PPM1H: variants seen among roughly 807,000 people sequenced by gnomAD.
PPM1H encodes the protein protein phosphatase, Mg2+/Mn2+ dependent 1H, also known as protein phosphatase 1H.
In PPM1H, 27 loss-of-function variants were observed where a neutral mutation model predicts 54.9. That is an observed-to-expected ratio of 0.49 (90% confidence interval 0.36 to 0.68). PPM1H has a LOEUF of 0.68. Ranked by LOEUF, PPM1H falls within the 30% of genes least tolerant of loss-of-function variation. The pLI, the probability that PPM1H is intolerant of heterozygous loss-of-function variation, is 0.00. For missense variants in PPM1H, 596 were observed against 667.8 expected, an observed-to-expected ratio of 0.89 and a Z score of 1.19; for synonymous variants, 305 against 270.8, an observed-to-expected ratio of 1.13 and a Z score of -1.24.
intron 4 of PPM1H, among the ~76,000 whole-genome samples, chr12:62,759,959 C>T (rs2076498404): frequency 2.6e-5 from 4 of 152,140 alleles, no homozygotes; most frequent in Admixed American, 2.6e-4. Flanking sequence ...ATGTCTCTAC[C>T]CTTCTCTTTA....
intron 4 of PPM1H, among the ~76,000 whole-genome samples, chr12:62,739,828 G>A (rs10506447): frequency 0.096 from 14,541 of 151,742 alleles, 778 homozygotes; most frequent in Admixed American, 0.16. Flanking sequence ...GGCAGCAGAT[G>A]TTCACTTAAC....
At chr12:62,845,508 T>C (rs1868931915) in intron 1 of PPM1H, among the ~76,000 whole-genome samples, 1 of 152,216 alleles carries the variant, frequency 6.6e-6, no homozygotes, top group Non-Finnish European at 1.5e-5. Flanking sequence ...TGGTAGACCA[T>C]ATATGAGGTA....
At chr12:62,906,050 A>T (rs191270446) in intron 1 of PPM1H, among the ~76,000 whole-genome samples, 1 of 152,214 alleles carries the variant, frequency 6.6e-6, no homozygotes, top group Non-Finnish European at 1.5e-5. Flanking sequence ...GGACAAATAT[A>T]AAATGGAGCC....
intron 3 of PPM1H, among the ~76,000 whole-genome samples, chr12:62,795,992 G>A (rs911149127): frequency 2.0e-5 from 3 of 152,232 alleles, no homozygotes; most frequent in Non-Finnish European, 2.9e-5. Context: ...GCCTCCCAAA[G>A]TGCTGGGATT....
intron 1 of PPM1H, among the ~76,000 whole-genome samples, chr12:62,880,700 T>C (rs1453932808): frequency 6.6e-6 from 1 of 152,208 alleles, no homozygotes; most frequent in Non-Finnish European, 1.5e-5. Flanking sequence ...GCCACCACAA[T>C]TCTTTCACTT....
chr12:62,918,507 T>C (rs1007047420), intron 1 of PPM1H, among the ~76,000 whole-genome samples: 2 of 152,228 alleles, frequency 1.3e-5, no homozygotes, highest in African/African-American at 4.8e-5. Flanking sequence ...TTAAAGTATA[T>C]AGCTAACACT....
At chr12:62,879,952 T>A (rs1326520983) in intron 1 of PPM1H, among the ~76,000 whole-genome samples, 3 of 152,100 alleles carry the variant, frequency 2.0e-5, no homozygotes, top group Non-Finnish European at 4.4e-5. Flanking sequence ...GATTAGACAC[T>A]CTATTCTAAA....
At chr12:62,804,171 G>C (rs959535853) in intron 2 of PPM1H, among the ~76,000 whole-genome samples, 18 of 152,150 alleles carry the variant, frequency 1.2e-4, no homozygotes, top group African/African-American at 4.1e-4. Flanking sequence ...AGATAGGCAA[G>C]AAAAAAGAAA....
intron 1 of PPM1H, among the ~76,000 whole-genome samples, chr12:62,836,176 C>A (rs1436720836): frequency 1.3e-5 from 2 of 152,188 alleles, no homozygotes; most frequent in African/African-American, 4.8e-5. Flanking sequence ...TGCTGGTGGA[C>A]CACGAATCAT....
intron 4 of PPM1H, among the ~76,000 whole-genome samples, chr12:62,785,862 A>G (rs781451494): frequency 2.2e-3 from 131 of 58,328 alleles, no homozygotes; most frequent in East Asian, 9.5e-3. Flanking sequence ...AAAAATGAGG[A>G]AAAAAAAAAA....
chr12:62,671,272 C>T (rs759843067), intron 8 of PPM1H, among the ~76,000 whole-genome samples: 61 of 152,230 alleles, frequency 4.0e-4, no homozygotes, highest in Middle Eastern at 3.4e-3. Flanking sequence ...GCTACAGAAA[C>T]GGCTTTGAAG....
chr12:62,853,805 G>A (rs1177621695), intron 1 of PPM1H, among the ~76,000 whole-genome samples: 6 of 152,144 alleles, frequency 3.9e-5, no homozygotes, highest in Admixed American at 2.6e-4. Context: ...TGTCTGTCTT[G>A]CTATAGAAGA....
At chr12:62,722,607 A>T (rs139662955) in intron 5 of PPM1H, among the ~76,000 whole-genome samples, 34 of 152,332 alleles carry the variant, frequency 2.2e-4, no homozygotes, top group Middle Eastern at 6.8e-3. Flanking sequence ...GCAAAGTCTG[A>T]ATCAGTAAAC....
At chr12:62,719,035 G>A (rs188241969) in intron 6 of PPM1H, among the ~76,000 whole-genome samples, 3 of 152,178 alleles carry the variant, frequency 2.0e-5, no homozygotes, top group South Asian at 2.1e-4. Flanking sequence ...AAGTAGATGG[G>A]GTAGGCAGAA....
At chr12:62,908,621 A>G (rs1232916928) in intron 1 of PPM1H, among the ~76,000 whole-genome samples, 1 of 152,128 alleles carries the variant, frequency 6.6e-6, no homozygotes, top group East Asian at 1.9e-4. Flanking sequence ...CTGAGGGGCC[A>G]AAGTGTGGTT....
chr12:62,658,704 G>C (rs1368974251), intron 9 of PPM1H: 1 of 338,692 alleles, frequency 3.0e-6, no homozygotes, highest in Non-Finnish European at 5.7e-6. Flanking sequence ...CATTTCCTAG[G>C]AACAGTTCAT....
intron 1 of PPM1H, among the ~76,000 whole-genome samples, chr12:62,869,064 G>A (rs139297384): frequency 6.6e-6 from 1 of 152,262 alleles, no homozygotes; most frequent in Non-Finnish European, 1.5e-5. Context: ...CATGACTTGT[G>A]CCTCTGGAGG....
At chr12:62,816,837 A>G (rs1418623229) in intron 2 of PPM1H, among the ~76,000 whole-genome samples, 4 of 151,992 alleles carry the variant, frequency 2.6e-5, no homozygotes, top group Non-Finnish European at 5.9e-5. Flanking sequence ...TGAAGCAAGA[A>G]GAAATTTCCA....
At chr12:62,665,361 C>A (rs2075912039) in intron 9 of PPM1H, among the ~76,000 whole-genome samples, 1 of 152,110 alleles carries the variant, frequency 6.6e-6, no homozygotes. Flanking sequence ...TCTTCGGTTT[C>A]ACTATTTTAT....
Sources: allele counts gnomAD v4.1 joint callset (sites outside exome capture counted in the v4.1 genomes callset), GRCh38; gene constraint gnomAD v4.1.1; transcripts MANE v1.5; gene names NCBI Gene and HGNC (gene_info 2026-07-23, HGNC 2026-07-21).